Variants in LRRTM4 observed in about 807,000 individuals in gnomAD.
The protein encoded by LRRTM4 is leucine rich repeat transmembrane neuronal 4, also known as leucine-rich repeat transmembrane neuronal protein 4.
Under a neutral mutation model 47.6 loss-of-function variants are expected in LRRTM4, and 25 were observed. The ratio of observed to expected loss-of-function variants is 0.53; its 90% CI spans 0.38 to 0.73. The LOEUF is 0.73. LRRTM4 is among the 30% of genes least tolerant of loss of function. The pLI is 0.00. For synonymous variants in LRRTM4, 311 were observed against 269.5 expected (o/e 1.15, Z -1.51); for missense variants, 638 against 713.4 (o/e 0.89, Z 1.20).
intron 3 of LRRTM4, among the ~76,000 whole-genome samples, chr2:76,941,927 C>A (rs895918847): frequency 6.6e-6 from 1 of 152,188 alleles, no homozygotes; most frequent in African/African-American, 2.4e-5. Context: ...ACACTCCCAC[C>A]AACAGTGTAA....
intron 3 of LRRTM4, among the ~76,000 whole-genome samples, chr2:76,893,083 AG>A (rs1231278544): frequency 6.6e-6 from 1 of 151,546 alleles, no homozygotes; most frequent in African/African-American, 2.4e-5. Flanking sequence ...AATATACAAA[AG>A]TTAAAGGAAA....
At chr2:77,110,357 G>A (rs1337937552) in intron 3 of LRRTM4, among the ~76,000 whole-genome samples, 1 of 151,998 alleles carries the variant, frequency 6.6e-6, no homozygotes, top group Non-Finnish European at 1.5e-5. Context: ...CTTCAGGCAG[G>A]TAAAAATCAA....
At chr2:76,938,761 A>G (rs1675040612) in intron 3 of LRRTM4, among the ~76,000 whole-genome samples, 1 of 152,148 alleles carries the variant, frequency 6.6e-6, no homozygotes, top group Non-Finnish European at 1.5e-5. Context: ...TATTTTAAAA[A>G]TTATCCTTTA....
intron 3 of LRRTM4, among the ~76,000 whole-genome samples, chr2:77,271,793 A>T (rs890345187): frequency 1.4e-4 from 21 of 152,158 alleles, no homozygotes; most frequent in African/African-American, 5.1e-4. Context: ...TTATCAGAAG[A>T]TTAAATTTTT....
chr2:76,804,109 T>G (rs996048764), intron 3 of LRRTM4, among the ~76,000 whole-genome samples: 2 of 152,150 alleles, frequency 1.3e-5, no homozygotes, highest in Non-Finnish European at 2.9e-5. Flanking sequence ...TTGTGCCATT[T>G]TGCTGCAGTA....
intron 3 of LRRTM4, among the ~76,000 whole-genome samples, chr2:77,510,633 C>T (rs1678948250): frequency 6.6e-6 from 1 of 151,782 alleles, no homozygotes; most frequent in African/African-American, 2.4e-5. Context: ...AAATTTAGCC[C>T]AAATGGAATC....
At chr2:77,444,671 T>C (rs1245247793) in intron 3 of LRRTM4, among the ~76,000 whole-genome samples, 2 of 152,046 alleles carry the variant, frequency 1.3e-5, no homozygotes, top group Non-Finnish European at 2.9e-5. Context: ...TCTTTTAATA[T>C]TGATTTCAGC....
In LRRTM4 at chr2:77,217,468, T is replaced by TATATATATATATAC. The variant is rs1338917871; in HGVS notation, c.1551+300849_1551+300850insGTATATATATATAT. ...ATATATATATATATATATATATATA[T>TATATATATATATAC]ACTAAGCCTTTAATTTAAAAAGATA... is the stretch of plus-strand genomic sequence containing the variant. On this transcript the variant is annotated intron_variant, in intron 3 of 3. Transcript: ENST00000409884. Among the ~76,000 whole-genome samples, 197 of 134,214 alleles carry TATATATATATATAC rather than the reference T, an allele frequency of 1.5e-3. 4 individuals carry two copies. The highest frequency in any genetic ancestry group is 3.7e-3 in the African/African-American group (127 of 34,500). The allele number at this position is 134,214 out of a possible 152,430, so 88.0% of individuals were successfully genotyped here.
intron 3 of LRRTM4, among the ~76,000 whole-genome samples, chr2:77,471,403 A>T (rs1677183757): frequency 6.6e-6 from 1 of 152,104 alleles, no homozygotes; most frequent in African/African-American, 2.4e-5. Flanking sequence ...TAGCCTCCTA[A>T]ATGTACACCT....
intron 3 of LRRTM4, among the ~76,000 whole-genome samples, chr2:76,786,530 T>TATGAATCC (rs1553408376): frequency 6.6e-6 from 1 of 151,534 alleles, no homozygotes; most frequent in Non-Finnish European, 1.5e-5. Context: ...CATGAAGCTC[T>TATGAATCC]TTGAAGGAGT....
At chr2:76,753,459 A>G (rs1672918869) in intron 3 of LRRTM4, among the ~76,000 whole-genome samples, 1 of 152,108 alleles carries the variant, frequency 6.6e-6, no homozygotes, top group Non-Finnish European at 1.5e-5. Context: ...CTTCAGTCCT[A>G]TTTTCTGTGC....
chr2:77,034,038 A>G (rs1381388362), intron 3 of LRRTM4, among the ~76,000 whole-genome samples: 2 of 151,776 alleles, frequency 1.3e-5, no homozygotes, highest in African/African-American at 2.4e-5. Flanking sequence ...ATAATTAAAT[A>G]CTGGAAAAAA....
chr2:77,446,417 T>A (rs1676052928), intron 3 of LRRTM4, among the ~76,000 whole-genome samples: 1 of 152,060 alleles, frequency 6.6e-6, no homozygotes, highest in African/African-American at 2.4e-5. Flanking sequence ...TGAGAACAAC[T>A]GATTTACATT....
chr2:76,813,160 G>A (rs779901831), intron 3 of LRRTM4, among the ~76,000 whole-genome samples: 91 of 151,888 alleles, frequency 6.0e-4, no homozygotes, highest in South Asian at 1.0e-3. Flanking sequence ...GCGAAACTCT[G>A]TCTCAAAAAA....
chr2:76,938,672 C>T (rs543774174), intron 3 of LRRTM4, among the ~76,000 whole-genome samples: 1 of 151,980 alleles, frequency 6.6e-6, no homozygotes, highest in Non-Finnish European at 1.5e-5. Flanking sequence ...TAAAACTAAC[C>T]AATTGTTTTT....
chr2:77,169,928 A>G (rs1291063303), intron 3 of LRRTM4, among the ~76,000 whole-genome samples: 4 of 152,180 alleles, frequency 2.6e-5, no homozygotes, highest in Non-Finnish European at 4.4e-5. Context: ...TGTTGCTGCT[A>G]TCACTCATGG....
At chr2:76,970,916 G>A (rs1221533025) in intron 3 of LRRTM4, among the ~76,000 whole-genome samples, 1 of 151,972 alleles carries the variant, frequency 6.6e-6, no homozygotes, top group Non-Finnish European at 1.5e-5. Context: ...GAAATATAAT[G>A]AGGCCTACTT....
intron 3 of LRRTM4, among the ~76,000 whole-genome samples, chr2:76,794,078 T>A (rs529716332): frequency 6.6e-6 from 1 of 152,164 alleles, no homozygotes; most frequent in Non-Finnish European, 1.5e-5. Context: ...GTAAAAGCGG[T>A]TGTCAGTCTC....
At chr2:76,824,667 G>A (rs1466132533) in intron 3 of LRRTM4, among the ~76,000 whole-genome samples, 1 of 149,012 alleles carries the variant, frequency 6.7e-6, no homozygotes, top group East Asian at 1.9e-4. Flanking sequence ...GTGGATATTT[G>A]CATAATAAGC....
Sources: gnomAD v4.1 joint callset for allele counts (sites outside exome capture counted in the v4.1 genomes callset) on GRCh38, gnomAD v4.1.1 for gene constraint, MANE v1.5 for transcripts, NCBI Gene and HGNC (gene_info 2026-07-23, HGNC 2026-07-21) for gene names.